Variants in DSCAM observed in about 807,000 individuals in gnomAD.
DSCAM encodes the protein cell adhesion molecule DSCAM.
A neutral mutation model predicts 217.7 loss-of-function variants in DSCAM; 47 were observed. That is an observed-to-expected ratio of 0.22 (90% confidence interval 0.17 to 0.28). The LOEUF (loss-of-function observed/expected upper bound fraction) is 0.28, where lower values mean the gene tolerates loss of function less well. Among genes scored for constraint, DSCAM ranks in the 10% least tolerant of loss-of-function variants. DSCAM has a pLI of 1.00. For missense variants in DSCAM, 2,080 were observed against 2,618.3 expected (o/e 0.79, Z 4.49); for synonymous variants, 1,056 against 1,015.3 (o/e 1.04, Z -0.76).
intron 3 of DSCAM, among the ~76,000 whole-genome samples, chr21:40,555,506 T>C (rs1412017402): frequency 1.3e-5 from 2 of 152,218 alleles, no homozygotes; most frequent in African/African-American, 4.8e-5. Flanking sequence ...AGAATCAGAA[T>C]GAAATTTTAA....
Position 40,391,296 on chromosome 21 carries a change from TCG to T in DSCAM, c.509-22053_509-22052del, listed in dbSNP as rs368690022. Among the ~76,000 whole-genome samples the T allele has an allele frequency of 3.9e-5, 6 of 152,306 alleles. No individual in the cohort carries two copies. The East Asian group carries it at 9.7e-4, about 25-fold the overall frequency. On this transcript the variant is annotated intron_variant, in intron 3 of 32. Transcript: ENST00000400454. ...AAGAAGCCAATTTTACGCTTAAAAA[TCG>T]CTGAGTGCATAAACACAAACATATA...
intron 1 of DSCAM, among the ~76,000 whole-genome samples, chr21:40,728,219 C>T (rs576813953): frequency 1.2e-4 from 18 of 152,220 alleles, no homozygotes; most frequent in South Asian, 1.0e-3. Flanking sequence ...AAATTTTGGT[C>T]CCTAAAAAGT....
intron 2 of DSCAM, among the ~76,000 whole-genome samples, chr21:40,706,677 C>A: frequency 6.6e-6 from 1 of 152,162 alleles, no homozygotes; most frequent in East Asian, 1.9e-4. Context: ...AGCATTTATG[C>A]CCTTCATCTG....
intron 4 of DSCAM, among the ~76,000 whole-genome samples, chr21:40,360,123 CTTT>C (rs930781270): frequency 3.1e-5 from 2 of 65,482 alleles, no homozygotes. Flanking sequence ...CATAGGTAGT[CTTT>C]TTTTTTTTTT....
intron 3 of DSCAM, among the ~76,000 whole-genome samples, chr21:40,570,810 T>C (rs1206292709): frequency 1.3e-5 from 2 of 151,962 alleles, no homozygotes; most frequent in East Asian, 1.9e-4. Flanking sequence ...GGCAGGCCAA[T>C]AGACAATATC....
At chr21:40,285,923 G>A (rs2073818215) in intron 10 of DSCAM, among the ~76,000 whole-genome samples, 1 of 152,214 alleles carries the variant, frequency 6.6e-6, no homozygotes, top group South Asian at 2.1e-4. Context: ...TCAGAGGAGT[G>A]CACTGGGGCA....
At chr21:40,260,453 C>A (rs1331879752) in intron 11 of DSCAM, among the ~76,000 whole-genome samples, 1 of 152,224 alleles carries the variant, frequency 6.6e-6, no homozygotes, top group Non-Finnish European at 1.5e-5. Flanking sequence ...CTTGCCATGA[C>A]CTGCCATTGC....
In DSCAM at chr21:40,078,940, G is replaced by A; in HGVS notation, c.4458C>T (p.Ser1486=). Residue 1486 remains serine, a synonymous_variant, in exon 26 of 33, where the codon AGC becomes AGT. Coordinates refer to ENST00000400454, the MANE Select transcript of DSCAM (RefSeq NM_001389.5). ...QFSKEQELFA[S]INTTRVRLNL... is the part of the protein sequence containing the mutation. ...TCAGCCTCACGCGTGTGGTGTTGAT[G>A]CTGGCAAACAGCTCCTGCTCCTTTG... 6.2e-7 allele frequency: 1 copy of A among 1,614,220 alleles called. No homozygotes were observed. Among genetic ancestry groups the A allele is most frequent in the Non-Finnish European group, 8.5e-7 (1 of 1,180,034 alleles).
chr21:40,727,326 A>G (rs2090966031), intron 1 of DSCAM, among the ~76,000 whole-genome samples: 1 of 152,118 alleles, frequency 6.6e-6, no homozygotes, highest in Non-Finnish European at 1.5e-5. Flanking sequence ...TATTCTTAAA[A>G]CTTCAAGAAG....
At chr21:40,206,392 G>A (rs377402539) in intron 11 of DSCAM, among the ~76,000 whole-genome samples, 14 of 152,088 alleles carry the variant, frequency 9.2e-5, no homozygotes, top group African/African-American at 3.4e-4. Context: ...AGCACACGGG[G>A]GTAGGCCCGA....
intron 3 of DSCAM, among the ~76,000 whole-genome samples, chr21:40,380,429 G>C (rs1363320801): frequency 6.6e-6 from 1 of 152,138 alleles, no homozygotes; most frequent in African/African-American, 2.4e-5. Context: ...AGATGGTTTT[G>C]GCCACTGACA....
At chr21:40,273,510 C>G (rs1569035736) in intron 11 of DSCAM, among the ~76,000 whole-genome samples, 1 of 152,174 alleles carries the variant, frequency 6.6e-6, no homozygotes, top group South Asian at 2.1e-4. Flanking sequence ...TGGAGTCTTT[C>G]AGTTTCTTGT....
intron 4 of DSCAM, among the ~76,000 whole-genome samples, chr21:40,354,848 CAAA>C (rs11314417): frequency 8.9e-6 from 1 of 112,376 alleles, no homozygotes; most frequent in African/African-American, 4.0e-5. Flanking sequence ...AACTCTGTCT[CAAA>C]AAAAAAAAAA....
intron 3 of DSCAM, among the ~76,000 whole-genome samples, chr21:40,389,144 G>A (rs1176991180): frequency 1.3e-5 from 2 of 152,144 alleles, no homozygotes; most frequent in Non-Finnish European, 2.9e-5. Context: ...TTTCTCCAAT[G>A]TACATTTTGC....
chr21:40,258,912 C>T (rs147818073), intron 11 of DSCAM, among the ~76,000 whole-genome samples: 197 of 152,326 alleles, frequency 1.3e-3, no homozygotes, highest in African/African-American at 4.2e-3. Flanking sequence ...AGGTTATAAA[C>T]GACCCTGTCT....
At chr21:40,802,444 A>C (rs1480425975) in intron 1 of DSCAM, among the ~76,000 whole-genome samples, 1 of 152,148 alleles carries the variant, frequency 6.6e-6, no homozygotes, top group Non-Finnish European at 1.5e-5. Context: ...GATGGATTGC[A>C]TATATTTGTA....
At chr21:40,795,846 G>A (rs1268289825) in intron 1 of DSCAM, among the ~76,000 whole-genome samples, 1 of 152,136 alleles carries the variant, frequency 6.6e-6, no homozygotes, top group Non-Finnish European at 1.5e-5. Context: ...TGATTGTTTG[G>A]TATTTAGTGG....
intron 32 of DSCAM, among the ~76,000 whole-genome samples, chr21:40,041,251 A>G (rs901914059): frequency 5.9e-5 from 9 of 152,230 alleles, no homozygotes; most frequent in African/African-American, 1.9e-4. Flanking sequence ...ACTGGATTCA[A>G]TAAGATTGGA....
intron 3 of DSCAM, among the ~76,000 whole-genome samples, chr21:40,662,573 G>A (rs1473090296): frequency 6.6e-6 from 1 of 152,140 alleles, no homozygotes; most frequent in Non-Finnish European, 1.5e-5. Flanking sequence ...AGCTCTCTTT[G>A]AAGGCAATTA....
Sources: allele counts gnomAD v4.1 joint callset (sites outside exome capture counted in the v4.1 genomes callset), GRCh38; gene constraint gnomAD v4.1.1; transcripts MANE v1.5; gene names NCBI Gene and HGNC (gene_info 2026-07-23, HGNC 2026-07-21).